The following BIRC6 variants were observed in gnomAD, a reference collection of about 807,000 sequenced individuals.
BIRC6 encodes the protein dual E2 ubiquitin-conjugating enzyme/E3 ubiquitin-protein ligase BIRC6.
Under a neutral mutation model 503.3 loss-of-function variants are expected in BIRC6, and 98 were observed. The observed-to-expected ratio is 0.19, with a 90% CI of 0.17 to 0.23. The LOEUF (loss-of-function observed/expected upper bound fraction) is 0.23, where lower values mean the gene tolerates loss of function less well. Ranked by LOEUF, BIRC6 falls within the 10% of genes least tolerant of loss-of-function variation. The pLI is 1.00. For missense variants in BIRC6, 5,360 were observed against 5,806.0 expected (o/e 0.92, Z 2.50); for synonymous variants, 2,240 against 2,078.7 (o/e 1.08, Z -2.11).
chr2:32,461,058 T>TCTCCTCTCC (rs1558789808), intron 23 of BIRC6, among the ~76,000 whole-genome samples: 2 of 50,592 alleles, frequency 4.0e-5, no homozygotes, highest in Admixed American at 1.9e-4. Context: ...TTCTCTTCTC[T>TCTCCTCTCC]TCTCTTCTGT....
intron 23 of BIRC6, among the ~76,000 whole-genome samples, chr2:32,460,493 T>C (rs762912854): frequency 6.6e-6 from 1 of 151,388 alleles, no homozygotes; most frequent in Non-Finnish European, 1.5e-5. Flanking sequence ...GTCAGGCTGG[T>C]CTCGAATTCC....
At chr2:32,383,714 T>A (rs1558580021) in intron 3 of BIRC6, among the ~76,000 whole-genome samples, 1 of 152,100 alleles carries the variant, frequency 6.6e-6, no homozygotes, top group African/African-American at 2.4e-5. Context: ...TGTATTTTAG[T>A]AGAGACGGGG....
chr2:32,564,151 A>T (rs1177953949), intron 65 of BIRC6: 1 of 152,230 alleles, frequency 6.6e-6, no homozygotes, highest in Non-Finnish European at 1.5e-5. Flanking sequence ...TCTAGCACTA[A>T]GCGGCTGATA....
In BIRC6 at chr2:32,479,563, T is replaced by G. The variant is rs1426661932; in HGVS notation, c.7354T>G (p.Ser2452Ala). Residue 2452 changes from serine (S) to alanine (A), a missense_variant, in exon 37 of 74, where the codon TCC (serine) becomes GCC (alanine). Coordinates refer to ENST00000421745, the MANE Select transcript of BIRC6 (RefSeq NM_016252.4). ...AGDSDDSLQQSSVQLLETIDE... is the reference protein window; with the variant it reads ...AGDSDDSLQQASVQLLETIDE... The stretch of plus-strand genomic sequence containing the variant: ...TGACTCTGATGACTCCCTTCAACAG[T>G]CCTCAGTTCAGTTGCTGGAAACTAT... 6.2e-7 allele frequency: 1 copy of G among 1,609,566 alleles called. No homozygotes were observed. The highest frequency in any genetic ancestry group is 1.1e-5 in the South Asian group (1 of 90,024).
intron 21 of BIRC6, among the ~76,000 whole-genome samples, chr2:32,447,003 C>T (rs1394766175): frequency 8.7e-6 from 1 of 114,768 alleles, no homozygotes; most frequent in African/African-American, 3.4e-5. Context: ...GCACATCTTG[C>T]ACCGCCCTTA....
At chr2:32,514,311 C>T (rs2054778352) in intron 54 of BIRC6, among the ~76,000 whole-genome samples, 1 of 152,110 alleles carries the variant, frequency 6.6e-6, no homozygotes, top group African/African-American at 2.4e-5. Flanking sequence ...GGCAACAGAG[C>T]AAGACGTCAT....
intron 39 of BIRC6, among the ~76,000 whole-genome samples, chr2:32,483,481 A>G (rs79138244): frequency 0.05 from 7,651 of 152,302 alleles, 286 homozygotes; most frequent in Middle Eastern, 0.078. Context: ...ATACATATCA[A>G]GAAGTATATT....
At chr2:32,482,219 A>T (rs979232066) in intron 38 of BIRC6, among the ~76,000 whole-genome samples, 2 of 152,240 alleles carry the variant, frequency 1.3e-5, no homozygotes, top group Non-Finnish European at 2.9e-5. Context: ...GTTTCTAAAC[A>T]TATAAGGTAT....
At chr2:32,446,313 A>T (rs556973752) in intron 21 of BIRC6, among the ~76,000 whole-genome samples, 13 of 152,296 alleles carry the variant, frequency 8.5e-5, no homozygotes, top group African/African-American at 3.1e-4. Flanking sequence ...TGAGTCACTT[A>T]TTGTCCCATA....
chr2:32,562,630 C>T (rs1423207612), intron 65 of BIRC6, among the ~76,000 whole-genome samples: 1 of 152,180 alleles, frequency 6.6e-6, no homozygotes. Flanking sequence ...CTGGTAACCA[C>T]TGTTCTTTGT....
In BIRC6 at chr2:32,543,240, G is replaced by A. The variant is rs772453963; in HGVS notation, c.12292-1G>A. 1 of 1,611,848 alleles carries A rather than the reference G, an allele frequency of 6.2e-7. No individual in the cohort carries two copies. ...AAGCCAACACTTTTCTTTTTCTTTA[G>A]GTGAGTGCTCCAGTTGTAACATCTA... On this transcript the variant is annotated splice_acceptor_variant, in intron 61 of 73. Coordinates refer to ENST00000421745, the MANE Select transcript of BIRC6 (RefSeq NM_016252.4). LOFTEE classifies it high-confidence loss of function.
chr2:32,557,135 A>G (rs2058842031), intron 65 of BIRC6: 2 of 152,208 alleles, frequency 1.3e-5, no homozygotes, highest in South Asian at 4.1e-4. Flanking sequence ...CTTAACTACC[A>G]AAAGTCACGC....
chr2:32,500,172 C>A, intron 46 of BIRC6, 63 bp downstream of exon 46: 3 of 1,368,170 alleles, frequency 2.2e-6, no homozygotes, highest in Non-Finnish European at 3.0e-6. Flanking sequence ...TTTTTTTAAG[C>A]AATATATGGA....
intron 65 of BIRC6, chr2:32,558,546 A>T (rs900958020): frequency 6.6e-6 from 1 of 152,212 alleles, no homozygotes; most frequent in Admixed American, 6.5e-5. Context: ...TTATCTCTTA[A>T]TAAAAGATTT....
At chr2:32,526,574 TG>T (rs1252774614) in intron 59 of BIRC6, 7 of 152,548 alleles carry the variant, frequency 4.6e-5, no homozygotes, top group African/African-American at 1.7e-4. Context: ...ATACATGACC[TG>T]AACAAACAGA....
Position 32,478,924 on chromosome 2 carries a change from T to G in BIRC6, c.7252+106T>G, listed in dbSNP as rs540868472. 6.5e-6 allele frequency: 7 copies of G among 1,071,022 alleles called. No homozygotes were observed. In the East Asian group the frequency reaches 1.2e-4, roughly 19 times the overall value. 66.3% of individuals were successfully genotyped at this position (1,071,022 alleles called of 1,614,324 possible). On this transcript the variant is annotated intron_variant, in intron 36 of 73. Coordinates refer to ENST00000421745, the MANE Select transcript of BIRC6 (RefSeq NM_016252.4). ...ACCCCTAGAGGGATCTTTAACCCCC[T>G]AAAAGCATAAAGGTCTGTTTAATCG...
chr2:32,511,206 T>C (rs35292107), intron 53 of BIRC6, among the ~76,000 whole-genome samples: 184 of 137,454 alleles, frequency 1.3e-3, no homozygotes, highest in Non-Finnish European at 2.2e-3. Context: ...CTTTTCTTTT[T>C]TTTTTTTTTT....
chr2:32,507,149 G>C (rs1050902565), intron 50 of BIRC6, among the ~76,000 whole-genome samples: 3 of 152,070 alleles, frequency 2.0e-5, no homozygotes, highest in Non-Finnish European at 4.4e-5. Flanking sequence ...TGAAAAGGAG[G>C]CTGGGCGCAG....
intron 57 of BIRC6, among the ~76,000 whole-genome samples, chr2:32,520,747 G>T (rs973531769): frequency 2.0e-5 from 3 of 152,160 alleles, no homozygotes; most frequent in African/African-American, 7.2e-5. Flanking sequence ...AACCCTAGAG[G>T]TGGAGGTTAC....
Sources: gnomAD v4.1 joint callset for allele counts (sites outside exome capture counted in the v4.1 genomes callset) on GRCh38, gnomAD v4.1.1 for gene constraint, MANE v1.5 for transcripts, NCBI Gene and HGNC (gene_info 2026-07-23, HGNC 2026-07-21) for gene names.